THSD7B: variants seen among roughly 807,000 people sequenced by gnomAD.
The protein encoded by THSD7B is thrombospondin type-1 domain-containing protein 7B.
THSD7B carries 138 observed loss-of-function variants against 213.6 expected under a neutral mutation model. The observed-to-expected ratio is 0.65, with a 90% CI of 0.56 to 0.74. THSD7B has a LOEUF of 0.74. Among genes scored for constraint, THSD7B ranks in the 30% least tolerant of loss-of-function variants. THSD7B has a pLI of 0.00. For synonymous variants in THSD7B, 742 were observed against 687.0 expected, an observed-to-expected ratio of 1.08 and a Z score of -1.25; for missense variants, 1,931 against 1,991.5, an observed-to-expected ratio of 0.97 and a Z score of 0.58.
chr2:137,349,560 C>T (rs978666608), intron 12 of THSD7B, among the ~76,000 whole-genome samples: 3 of 151,722 alleles, frequency 2.0e-5, no homozygotes, highest in Admixed American at 6.6e-5. Context: ...AAACTTATGC[C>T]AGGAGGGCAA....
At chr2:136,827,725 G>A (rs1228082159) in intron 1 of THSD7B, among the ~76,000 whole-genome samples, 2 of 151,934 alleles carry the variant, frequency 1.3e-5, no homozygotes, top group African/African-American at 2.4e-5. Context: ...GTAACCATTG[G>A]TTATCAGTAG....
At chr2:137,309,855 C>T (rs1377222480) in intron 12 of THSD7B, among the ~76,000 whole-genome samples, 1 of 152,144 alleles carries the variant, frequency 6.6e-6, no homozygotes, top group African/African-American at 2.4e-5. Context: ...TTTATGGCTG[C>T]ATAGTATTCC....
At chr2:137,477,381 G>C (rs1346108384) in intron 15 of THSD7B, among the ~76,000 whole-genome samples, 1 of 152,106 alleles carries the variant, frequency 6.6e-6, no homozygotes, top group Non-Finnish European at 1.5e-5. Flanking sequence ...TTTACTTGAA[G>C]TGTATATGTA....
chr2:137,102,628 G>A (rs1688172154), intron 4 of THSD7B, among the ~76,000 whole-genome samples: 1 of 152,132 alleles, frequency 6.6e-6, no homozygotes, highest in Non-Finnish European at 1.5e-5. Flanking sequence ...ATGCAAGGAA[G>A]CTAAGAACCT....
At chr2:137,241,340 A>C (rs1433789380) in intron 9 of THSD7B, among the ~76,000 whole-genome samples, 1 of 152,238 alleles carries the variant, frequency 6.6e-6, no homozygotes. Flanking sequence ...TGTAGAATAT[A>C]ATAAATGTGA....
chr2:137,560,534 G>A (rs180729298), intron 15 of THSD7B, among the ~76,000 whole-genome samples: 2,698 of 152,140 alleles, frequency 0.018, 90 homozygotes, highest in Admixed American at 0.076. Context: ...GACACAGGAG[G>A]GGGAACATCA....
At chr2:136,921,238 A>C (rs1684433086) in intron 2 of THSD7B, among the ~76,000 whole-genome samples, 1 of 145,908 alleles carries the variant, frequency 6.9e-6, no homozygotes, top group Non-Finnish European at 1.5e-5. Flanking sequence ...AAAAAAAAAA[A>C]CCACATAGGC....
At chr2:136,772,204 C>T (rs1681520958) in intron 1 of THSD7B, among the ~76,000 whole-genome samples, 2 of 152,088 alleles carry the variant, frequency 1.3e-5, no homozygotes, top group Non-Finnish European at 2.9e-5. Flanking sequence ...TTTTACTCAG[C>T]AGGTTCAGTC....
At chr2:137,232,796 G>A (rs1257308240) in intron 8 of THSD7B, 103 bp from the exon 9 acceptor site, 1 of 1,068,596 alleles carries the variant, frequency 9.4e-7, no homozygotes, top group Non-Finnish European at 1.4e-6. Flanking sequence ...TCTTTGGAAG[G>A]CTGTGTCAGC....
chr2:136,841,961 AT>A (rs1310461785), intron 1 of THSD7B, among the ~76,000 whole-genome samples: 2 of 152,210 alleles, frequency 1.3e-5, no homozygotes, highest in African/African-American at 2.4e-5. Flanking sequence ...GAAAATAAAA[AT>A]ATGCTTATTT....
At chr2:137,615,029 T>C (rs1385948839) in intron 17 of THSD7B, among the ~76,000 whole-genome samples, 1 of 152,134 alleles carries the variant, frequency 6.6e-6, no homozygotes, top group Non-Finnish European at 1.5e-5. Flanking sequence ...ATGGGCCTCG[T>C]TAGATTGAGG....
intron 2 of THSD7B, among the ~76,000 whole-genome samples, chr2:137,006,681 A>T (rs902091528): frequency 4.6e-5 from 7 of 152,172 alleles, no homozygotes; most frequent in African/African-American, 1.7e-4. Context: ...AGCTCAGCCC[A>T]AGTTAACGCT....
intron 12 of THSD7B, among the ~76,000 whole-genome samples, chr2:137,312,179 TCAGCTC>T (rs1343408283): frequency 6.6e-6 from 1 of 152,214 alleles, no homozygotes; most frequent in African/African-American, 2.4e-5. Context: ...TGCCACAATT[TCAGCTC>T]CTGTTATTGC....
chr2:136,959,184 T>C (rs914217803), intron 2 of THSD7B, among the ~76,000 whole-genome samples: 1 of 152,228 alleles, frequency 6.6e-6, no homozygotes, highest in East Asian at 1.9e-4. Context: ...TATAACAGTT[T>C]CGGCTAACTG....
intron 12 of THSD7B, among the ~76,000 whole-genome samples, chr2:137,361,062 C>G (rs1419890916): frequency 6.6e-6 from 1 of 152,184 alleles, no homozygotes; most frequent in African/African-American, 2.4e-5. Flanking sequence ...ATTCTGCAGA[C>G]TCTGCTAGTG....
At chr2:137,344,115 G>A (rs992198860) in intron 12 of THSD7B, among the ~76,000 whole-genome samples, 1 of 151,640 alleles carries the variant, frequency 6.6e-6, no homozygotes, top group African/African-American at 2.4e-5. Flanking sequence ...GCACATGAGA[G>A]GGATCTAGGT....
intron 1 of THSD7B, among the ~76,000 whole-genome samples, chr2:136,769,764 G>T (rs911422809): frequency 1.3e-5 from 2 of 152,272 alleles, no homozygotes; most frequent in South Asian, 2.1e-4. Context: ...AAAAGAAGAG[G>T]TCCACCTACT....
chr2:137,665,258 C>T (rs1683424715), intron 26 of THSD7B, among the ~76,000 whole-genome samples: 1 of 152,118 alleles, frequency 6.6e-6, no homozygotes. Flanking sequence ...GTTGAGGTCC[C>T]AGGGAAATGA....
In THSD7B at chr2:136,891,375, C is replaced by G. The variant is rs556590003; in HGVS notation, c.139+9058C>G. On this transcript the variant is annotated intron_variant, in intron 2 of 27. Coordinates refer to ENST00000409968, the MANE Select transcript of THSD7B (RefSeq NM_001316349.2). ...TGTACATGACTCAGCTGTTGGGCTTCACTGTCAAAATATTTTTGTGTGGAG... is the reference window on the plus strand; with the variant it reads ...TGTACATGACTCAGCTGTTGGGCTTGACTGTCAAAATATTTTTGTGTGGAG... 4.9e-4 allele frequency among the ~76,000 whole-genome samples: 74 copies of G among 152,308 alleles called. 1 individual carries two copies. Among genetic ancestry groups the G allele is most frequent in the African/African-American group, 1.7e-3 (70 of 41,572 alleles).
Sources: gnomAD v4.1 joint callset for allele counts (sites outside exome capture counted in the v4.1 genomes callset) on GRCh38, gnomAD v4.1.1 for gene constraint, MANE v1.5 for transcripts, NCBI Gene and HGNC (gene_info 2026-07-23, HGNC 2026-07-21) for gene names.